CELF4: variants seen among roughly 807,000 people sequenced by gnomAD.
CELF4 encodes the protein CUG-BP- and ETR-3-like factor 4.
CELF4 carries 18 observed loss-of-function variants against 59.9 expected under a neutral mutation model. The ratio of observed to expected loss-of-function variants is 0.30; its 90% CI spans 0.21 to 0.45. CELF4 has a LOEUF of 0.45. CELF4 is among the 20% of genes least tolerant of loss of function. CELF4 has a pLI of 1.00. For synonymous variants in CELF4, 261 were observed against 267.1 expected (o/e 0.98, Z 0.22); for missense variants, 456 against 689.0 (o/e 0.66, Z 3.79).
chr18:37,247,803 TA>T (rs1399205794), intron 12 of CELF4, among the ~76,000 whole-genome samples: 1 of 151,728 alleles, frequency 6.6e-6, no homozygotes, highest in Admixed American at 6.6e-5. Context: ...AGAAAAAAAA[TA>T]AAACAGCCCC....
At chr18:37,416,380 G>A (rs182215554) in intron 2 of CELF4, among the ~76,000 whole-genome samples, 2 of 152,162 alleles carry the variant, frequency 1.3e-5, no homozygotes, top group South Asian at 2.1e-4. Flanking sequence ...ACCTCCAGGA[G>A]CCCCAGCTTT....
At position 37,243,792 on chromosome 18, in the gene CELF4, G is replaced by C. The variant is rs2061056455; in HGVS notation, c.*1450C>G. On this transcript the variant is annotated 3_prime_UTR_variant, in exon 13 of 13. Transcript: ENST00000420428. Reference sequence around the variant, plus strand: ...GTGTGTTGTCTAGTTGTTTTAAGATGAAAGTTCCCAGTTCTCCCTTGCCCG... The same window carrying C: ...GTGTGTTGTCTAGTTGTTTTAAGATCAAAGTTCCCAGTTCTCCCTTGCCCG... The C allele has an allele frequency of 1.3e-5, 2 of 158,408 alleles. No individual in the cohort carries two copies. Among genetic ancestry groups the C allele is most frequent in the South Asian group, 3.9e-4 (2 of 5,134 alleles). The allele number at this position is 158,408 out of a possible 1,614,324, so 9.8% of individuals were successfully genotyped here.
chr18:37,325,870 G>A (rs1007946340), intron 2 of CELF4, among the ~76,000 whole-genome samples: 2 of 152,206 alleles, frequency 1.3e-5, no homozygotes, highest in Non-Finnish European at 2.9e-5. Context: ...GCCTTTGAGG[G>A]GCTTGTCAGA....
At chr18:37,424,473 G>T (rs2099599692) in intron 2 of CELF4, among the ~76,000 whole-genome samples, 2 of 152,202 alleles carry the variant, frequency 1.3e-5, no homozygotes, top group Non-Finnish European at 2.9e-5. Flanking sequence ...CACCCCGTGT[G>T]GCCTTACAGC....
In CELF4 at chr18:37,540,729, C is replaced by T. The variant is rs563380238; in HGVS notation, c.286+24627G>A. On this transcript the variant is annotated intron_variant, in intron 1 of 12. Transcript: ENST00000420428. ...CTGGGAAAGATGCTCCAAGAAAGGG[C>T]AGCAGCAGTGGCCCTGGCAAGGGCT... is the stretch of plus-strand genomic sequence containing the variant. Among the ~76,000 whole-genome samples the T allele has an allele frequency of 1.1e-4, 17 of 152,330 alleles. No individual in the cohort carries two copies. In the East Asian group the frequency reaches 3.1e-3, roughly 28 times the overall value.
At chr18:37,273,704 CT>C in intron 6 of CELF4, 1 of 987,284 alleles carries the variant, frequency 1.0e-6, no homozygotes, top group Non-Finnish European at 1.2e-6. Flanking sequence ...GTGAGGTAAG[CT>C]TGCATTTTCA....
At chr18:37,482,706 C>T (rs2099871430) in intron 2 of CELF4, among the ~76,000 whole-genome samples, 1 of 152,140 alleles carries the variant, frequency 6.6e-6, no homozygotes, top group South Asian at 2.1e-4. Flanking sequence ...AGTTCTGTCT[C>T]TGTCATTTTG....
In CELF4 at chr18:37,452,027, G is replaced by A. The variant is rs971221296; in HGVS notation, c.369+33498C>T. On this transcript the variant is annotated intron_variant, in intron 2 of 12. Coordinates refer to ENST00000420428, the MANE Select transcript of CELF4 (RefSeq NM_020180.4). ...CTGGGCAAGGCTCCCTGCCTCCACG[G>A]GCCCCTTCTCTGGGCTGGCATGTGC... Among the ~76,000 whole-genome samples the A allele has an allele frequency of 2.0e-5, 3 of 152,112 alleles. No homozygotes were observed. The East Asian group carries it at 5.8e-4, about 29-fold the overall frequency.
chr18:37,328,662 G>T (rs910255473), intron 2 of CELF4, among the ~76,000 whole-genome samples: 1 of 152,164 alleles, frequency 6.6e-6, no homozygotes, highest in Non-Finnish European at 1.5e-5. Flanking sequence ...ACTTGTGGAC[G>T]CGCTTGTGTG....
chr18:37,423,836 T>A (rs570139342), intron 2 of CELF4, among the ~76,000 whole-genome samples: 3 of 151,900 alleles, frequency 2.0e-5, no homozygotes, highest in Non-Finnish European at 2.9e-5. Context: ...GGCTCACAGA[T>A]CTTTGACTGG....
intron 2 of CELF4, among the ~76,000 whole-genome samples, chr18:37,337,742 C>T (rs2097826566): frequency 6.6e-6 from 1 of 152,246 alleles, no homozygotes; most frequent in South Asian, 2.1e-4. Flanking sequence ...GTGACAGAAG[C>T]ATGCTCATGC....
At chr18:37,265,569 T>C (rs890104532) in intron 9 of CELF4, among the ~76,000 whole-genome samples, 1 of 151,980 alleles carries the variant, frequency 6.6e-6, no homozygotes, top group African/African-American at 2.4e-5. Context: ...TGCCAGGGGG[T>C]AGTCCCCAGG....
chr18:37,469,675 TAGA>T (rs1336412873), intron 2 of CELF4, among the ~76,000 whole-genome samples: 1 of 152,176 alleles, frequency 6.6e-6, no homozygotes, highest in African/African-American at 2.4e-5. Context: ...TTAATAAGAA[TAGA>T]AGAAGATGGC....
intron 2 of CELF4, among the ~76,000 whole-genome samples, chr18:37,372,052 C>A (rs971257787): frequency 4.6e-5 from 7 of 152,180 alleles, no homozygotes; most frequent in Non-Finnish European, 1.0e-4. Flanking sequence ...ACTAGTTCAA[C>A]CATTGTGGAA....
At chr18:37,292,828 G>C (rs2095423673) in intron 3 of CELF4, among the ~76,000 whole-genome samples, 1 of 152,164 alleles carries the variant, frequency 6.6e-6, no homozygotes, top group Admixed American at 6.5e-5. Flanking sequence ...TTTCACCTTT[G>C]TTTGATATAA....
At chr18:37,322,055 C>G (rs935710633) in intron 2 of CELF4, among the ~76,000 whole-genome samples, 174 bp from the exon 3 acceptor site, 1 of 152,238 alleles carries the variant, frequency 6.6e-6, no homozygotes, top group Admixed American at 6.5e-5. Context: ...GCCCGTCTCC[C>G]CTCGACGGCA....
intron 2 of CELF4, among the ~76,000 whole-genome samples, chr18:37,412,880 C>G (rs1269861004): frequency 6.6e-6 from 1 of 152,066 alleles, no homozygotes; most frequent in East Asian, 1.9e-4. Context: ...GTGAGGTTCT[C>G]AGTTGTTCTC....
chr18:37,441,861 C>T lies in CELF4; in HGVS notation c.369+43664G>A, dbSNP rs562292592. Among the ~76,000 whole-genome samples the T allele has an allele frequency of 3.0e-4, 45 of 152,254 alleles. 1 individual carries two copies. In the South Asian group the frequency reaches 8.9e-3, roughly 30 times the overall value. Reference sequence around the variant, plus strand: ...CGACTGCAACTCACACCCATTCCCCCTCCTCAGAACTCCCCTGAATCTCCA... The same window carrying T: ...CGACTGCAACTCACACCCATTCCCCTTCCTCAGAACTCCCCTGAATCTCCA... On this transcript the variant is annotated intron_variant, in intron 2 of 12. Coordinates refer to ENST00000420428, the MANE Select transcript of CELF4 (RefSeq NM_020180.4).
At chr18:37,459,662 TCA>T (rs1282032197) in intron 2 of CELF4, among the ~76,000 whole-genome samples, 58 of 152,290 alleles carry the variant, frequency 3.8e-4, no homozygotes, top group African/African-American at 1.3e-3. Context: ...GACCTTGGCC[TCA>T]GAGTCTGGAG....
Sources: gnomAD v4.1 joint callset for allele counts (sites outside exome capture counted in the v4.1 genomes callset) on GRCh38, gnomAD v4.1.1 for gene constraint, MANE v1.5 for transcripts, NCBI Gene and HGNC (gene_info 2026-07-23, HGNC 2026-07-21) for gene names.